Variants in CPD observed in about 807,000 individuals in gnomAD.
The protein encoded by CPD is carboxypeptidase D.
Under a neutral mutation model 138.3 loss-of-function variants are expected in CPD, and 69 were observed. The ratio of observed to expected loss-of-function variants is 0.50; its 90% CI spans 0.41 to 0.61. The LOEUF is 0.61. Ranked by LOEUF, CPD falls within the 20% of genes least tolerant of loss-of-function variation. The pLI is 0.00. For synonymous variants in CPD, 651 were observed against 642.1 expected, an observed-to-expected ratio of 1.01 and a Z score of -0.21; for missense variants, 1,432 against 1,733.3, an observed-to-expected ratio of 0.83 and a Z score of 3.09.
Position 30,462,095 on chromosome 17 carries a change from A to T in CPD, c.3816+33A>T, listed in dbSNP as rs1240755340. ...ACTCAAATTGAGTAGCATCATGTAAATTTTTATTCTTAATAATACTTCTGT... is the reference window on the plus strand; with the variant it reads ...ACTCAAATTGAGTAGCATCATGTAATTTTTTATTCTTAATAATACTTCTGT... On this transcript the variant is annotated intron_variant, in intron 19 of 20. Transcript: ENST00000225719. The T allele has an allele frequency of 2.6e-6, 4 of 1,547,756 alleles. No individual in the cohort carries two copies. The Admixed American group carries it at 6.1e-5, about 24-fold the overall frequency.
chr17:30,379,449 G>T lies in CPD; in HGVS notation c.469G>T (p.Ala157Ser). The T allele has an allele frequency of 6.4e-7, 1 of 1,571,270 alleles. No individual in the cohort carries two copies. The highest frequency in any genetic ancestry group is 1.1e-5 in the South Asian group (1 of 87,732). The change falls in exon 1 of 21, where the codon GCG becomes TCG. Residue 157 changes from alanine to serine, a missense_variant. Transcript: ENST00000225719. The surrounding 1 kb of genome is among the most constrained non-coding windows in gnomAD (Gnocchi z 7.0). ...QVLIYLAREL[A>S]AGYRRGDPRL... ...GTTGATCTACTTGGCCCGCGAGCTG[G>T]CGGCCGGCTACCGCCGCGGGGACCC...
chr17:30,418,564 A>G (rs1051671295), intron 2 of CPD, among the ~76,000 whole-genome samples: 4 of 152,174 alleles, frequency 2.6e-5, no homozygotes, highest in Admixed American at 6.5e-5. Flanking sequence ...AAATTGTGGT[A>G]AAGTATACAT....
chr17:30,403,026 A>C (rs1473923763), intron 2 of CPD, among the ~76,000 whole-genome samples: 3 of 152,180 alleles, frequency 2.0e-5, no homozygotes, highest in Non-Finnish European at 2.9e-5. Context: ...GAATCGCTTT[A>C]ACCTGGGAGG....
Position 30,465,453 on chromosome 17 carries a change from T to C in CPD, c.*639T>C, listed in dbSNP as rs968973678. 6.5e-6 allele frequency: 1 copy of C among 152,710 alleles called. No individual in the cohort carries two copies. Among genetic ancestry groups the C allele is most frequent in the Non-Finnish European group, 1.5e-5 (1 of 68,088 alleles). The allele number at this position is 152,710 out of a possible 1,614,324, so 9.5% of individuals were successfully genotyped here. On this transcript the variant is annotated 3_prime_UTR_variant, in exon 21 of 21. Coordinates refer to ENST00000225719, the MANE Select transcript of CPD (RefSeq NM_001304.5). ...ACGCTGTAAGCAGGATTTCACTACC[T>C]CTCTTAAGGTTTAGCAAACTTCTAA...
chr17:30,400,957 G>T (rs960633864), intron 2 of CPD, among the ~76,000 whole-genome samples: 1 of 151,746 alleles, frequency 6.6e-6, no homozygotes, highest in Admixed American at 6.6e-5. Flanking sequence ...GATTACAGGC[G>T]TGAGCCACTG....
intron 2 of CPD, among the ~76,000 whole-genome samples, chr17:30,402,360 GT>G (rs1221498302): frequency 1.3e-5 from 2 of 152,156 alleles, no homozygotes; most frequent in African/African-American, 4.8e-5. Context: ...GAGGTCCAGA[GT>G]TTGAGACCAG....
At chr17:30,461,087 C>G in intron 17 of CPD, 93 bp from the exon 18 acceptor site, 1 of 983,096 alleles carries the variant, frequency 1.0e-6, no homozygotes. Context: ...GCTACGTTTT[C>G]TTTTCATTTA....
chr17:30,386,225 C>T (rs777945338), intron 2 of CPD, among the ~76,000 whole-genome samples: 4 of 151,986 alleles, frequency 2.6e-5, no homozygotes, highest in Non-Finnish European at 5.9e-5. Context: ...GATGGGGTAT[C>T]GCTGTGTTGC....
intron 17 of CPD, 64 bp downstream of exon 17, chr17:30,456,590 C>T (rs1261800373): frequency 2.0e-6 from 3 of 1,537,278 alleles, no homozygotes; most frequent in African/African-American, 1.4e-5. Flanking sequence ...ATGTGTAAAC[C>T]CAGTGCTTTG....
At chr17:30,395,196 CTT>C (rs35079822) in intron 2 of CPD, among the ~76,000 whole-genome samples, 29 of 97,790 alleles carry the variant, frequency 3.0e-4, no homozygotes, top group Non-Finnish European at 3.0e-4. Context: ...CAGATGGGTG[CTT>C]TTTTTTTTTT....
intron 7 of CPD, among the ~76,000 whole-genome samples, chr17:30,428,926 A>G (rs889854381): frequency 6.6e-6 from 1 of 151,860 alleles, no homozygotes; most frequent in African/African-American, 2.4e-5. Flanking sequence ...GGCAATGGGG[A>G]AGAAATTTAG....
intron 2 of CPD, among the ~76,000 whole-genome samples, chr17:30,401,737 C>T (rs377106151): frequency 2.0e-5 from 3 of 152,110 alleles, no homozygotes; most frequent in Non-Finnish European, 2.9e-5. Context: ...CCGCCTGCCT[C>T]GGTCTCCCAA....
At chr17:30,447,541 T>G (rs1913062471) in intron 12 of CPD, 1 of 152,216 alleles carries the variant, frequency 6.6e-6, no homozygotes, top group African/African-American at 2.4e-5. Flanking sequence ...TATTAATATG[T>G]TCTGACTAAA....
rs1335582555 is a variant in CPD at position 30,466,507 on chromosome 17, CTG to C, written c.*1695_*1696del. 1 of 152,616 alleles carries C rather than the reference CTG, an allele frequency of 6.6e-6. No homozygotes were observed. The highest frequency in any genetic ancestry group is 2.4e-5 in the African/African-American group (1 of 41,454). 9.5% of individuals were successfully genotyped at this position (152,616 alleles called of 1,614,324 possible). A position where few individuals can be genotyped will look rare whatever the true frequency, so the allele number is the denominator to read the frequency against. The stretch of plus-strand genomic sequence containing the variant: ...CATTCTGGTATTCTGGTATTAGCAA[CTG>C]TAAATTCTGCCACCTCATACATGGA... On this transcript the variant is annotated 3_prime_UTR_variant, in exon 21 of 21. Transcript: ENST00000225719.
At chr17:30,380,623 A>G (rs1012384049) in intron 1 of CPD, 4 of 1,516,588 alleles carry the variant, frequency 2.6e-6, no homozygotes, top group Non-Finnish European at 3.5e-6. Context: ...AAACAAGAGA[A>G]TGTTATAAAT....
intron 11 of CPD, among the ~76,000 whole-genome samples, chr17:30,444,588 A>ATC (rs949913145): frequency 4.5e-5 from 6 of 132,420 alleles, no homozygotes; most frequent in Admixed American, 9.3e-5. Context: ...GCATGGCACT[A>ATC]TCTCAGCTGC....
At position 30,379,347 on chromosome 17, in the gene CPD, G is replaced by T; in HGVS notation, c.367G>T (p.Gly123Trp). ...TGACGCTGCCGGGCCCGACGCTGCG[G>T]GGCCGCTGCTGCCCGGCCGGCCCCA... ...GPDAAGPDAA[G>W]PLLPGRPQVK... Residue 123 changes from glycine to tryptophan, a missense_variant, in exon 1 of 21, where the codon GGG (glycine) becomes TGG (tryptophan). Around this residue, in one of 6 missense-constraint regions of CPD, gnomAD observed 484 missense variants for 477.2 expected, o/e 1.01. Transcript: ENST00000225719. This position sits in a 1 kb window ranked among gnomAD's most constrained non-coding sequence, Gnocchi z 7.0. The T allele has an allele frequency of 1.3e-6, 2 of 1,496,744 alleles. No individual in the cohort carries two copies. The highest frequency in any genetic ancestry group is 1.3e-5 in the South Asian group (1 of 79,996). The allele number at this position is 1,496,744 out of a possible 1,614,324, so 92.7% of individuals were successfully genotyped here.
chr17:30,436,944 A>G (rs1423660530), intron 8 of CPD, among the ~76,000 whole-genome samples: 1 of 152,236 alleles, frequency 6.6e-6, no homozygotes, highest in Non-Finnish European at 1.5e-5. Flanking sequence ...TTATTCAGCC[A>G]TAAAAAGTAA....
At chr17:30,462,161 A>G (rs1913493863) in intron 19 of CPD, 99 bp downstream of exon 19, 1 of 1,208,134 alleles carries the variant, frequency 8.3e-7, no homozygotes, top group South Asian at 1.6e-5. Context: ...AAGGGAATAA[A>G]GAAATTAAAA....
Sources: gnomAD v4.1 joint callset for allele counts (sites outside exome capture counted in the v4.1 genomes callset) on GRCh38, gnomAD v4.1.1 for gene constraint, gnomAD v4.1.1 regional missense constraint, Gnocchi (gnomAD v3.1) non-coding constraint, MANE v1.5 for transcripts, NCBI Gene and HGNC (gene_info 2026-07-23, HGNC 2026-07-21) for gene names.